Variants in ABI2 observed in about 807,000 individuals in gnomAD.
ABI2 encodes abl interactor 2, also known as abelson interactor 2.
In ABI2, 25 loss-of-function variants were observed where a neutral mutation model predicts 59.2. That is an observed-to-expected ratio of 0.42 (90% CI 0.31 to 0.59). ABI2 has a LOEUF of 0.59. Ranked by LOEUF, ABI2 falls within the 20% of genes least tolerant of loss-of-function variation. The pLI is 0.14. For missense variants in ABI2, 545 were observed against 681.8 expected (o/e 0.80, Z 2.23); for synonymous variants, 213 against 235.5 (o/e 0.90, Z 0.87).
chr2:203,416,172 A>G (rs1054071811), intron 10 of ABI2, among the ~76,000 whole-genome samples: 1 of 152,244 alleles, frequency 6.6e-6, no homozygotes, highest in African/African-American at 2.4e-5. Context: ...AAATATTTTA[A>G]GAATTTGTGA....
chr2:203,350,628 C>T (rs952747755), intron 1 of ABI2, among the ~76,000 whole-genome samples: 2 of 151,314 alleles, frequency 1.3e-5, no homozygotes, highest in Non-Finnish European at 2.9e-5. Context: ...CAATCTCTGC[C>T]TCCCGGGTTC....
At chr2:203,372,589 G>A (rs1268661637) in intron 2 of ABI2, among the ~76,000 whole-genome samples, 2 of 150,470 alleles carry the variant, frequency 1.3e-5, no homozygotes, top group Non-Finnish European at 3.0e-5. Flanking sequence ...CGGACGGGGC[G>A]GGTGGCTGGG....
In ABI2 at chr2:203,429,452, T is replaced by C. The variant is rs1431016118; in HGVS notation, c.*2100T>C. ...TGGATTAATGAGGCAGAGGGTGTTTTGAAATCCAATAAATAGTTCCCACAG... is the reference window on the plus strand; with the variant it reads ...TGGATTAATGAGGCAGAGGGTGTTTCGAAATCCAATAAATAGTTCCCACAG... On this transcript the variant is annotated 3_prime_UTR_variant, in exon 12 of 12. Coordinates refer to ENST00000261018, the MANE Select transcript of ABI2 (RefSeq NM_001375670.1). The C allele has an allele frequency of 6.6e-6, 1 of 152,214 alleles. No homozygotes were observed. Among genetic ancestry groups the C allele is most frequent in the Non-Finnish European group, 1.5e-5 (1 of 68,042 alleles). The allele number at this position is 152,214 out of a possible 1,614,324, so 9.4% of individuals were successfully genotyped here.
intron 1 of ABI2, among the ~76,000 whole-genome samples, chr2:203,364,333 A>G (rs1559225761): frequency 1.3e-5 from 2 of 148,394 alleles, no homozygotes. Flanking sequence ...ACCTCAAATG[A>G]TCTGCCCGCC....
At chr2:203,412,029 C>T (rs1037422660) in intron 10 of ABI2, among the ~76,000 whole-genome samples, 1 of 152,086 alleles carries the variant, frequency 6.6e-6, no homozygotes, top group Non-Finnish European at 1.5e-5. Flanking sequence ...GCAGTCTTTG[C>T]GAGGGCCACA....
At chr2:203,392,293 CCACCACCACCACCACCACCACCAA>C (rs1559312365) in intron 5 of ABI2, among the ~76,000 whole-genome samples, 1 of 92,160 alleles carries the variant, frequency 1.1e-5, no homozygotes, top group East Asian at 2.2e-4. Flanking sequence ...ACCACCACCA[CCACCACCACCACCACCACCACCAA>C]CAACAACAAC....
intron 4 of ABI2, 28 bp from the exon 5 acceptor site, chr2:203,391,018 A>G: frequency 6.3e-7 from 1 of 1,585,464 alleles, no homozygotes; most frequent in South Asian, 1.1e-5. Context: ...CACTGCATAC[A>G]AGTTGAGTTT....
intron 9 of ABI2, among the ~76,000 whole-genome samples, chr2:203,408,760 C>A (rs1393205486): frequency 6.6e-6 from 1 of 151,414 alleles, no homozygotes; most frequent in African/African-American, 2.4e-5. Context: ...CTTGTCTCTA[C>A]TCTTCTAGTG....
chr2:203,353,717 C>T (rs927842273), intron 1 of ABI2, among the ~76,000 whole-genome samples: 2 of 152,108 alleles, frequency 1.3e-5, no homozygotes, highest in Admixed American at 6.5e-5. Context: ...AGGCTGGTCT[C>T]GAACTTTTTA....
At chr2:203,408,020 G>T (rs1460831387) in intron 9 of ABI2, among the ~76,000 whole-genome samples, 1 of 152,222 alleles carries the variant, frequency 6.6e-6, no homozygotes, top group Non-Finnish European at 1.5e-5. Flanking sequence ...CTGGAGAAAA[G>T]TAGAATTTGG....
intron 1 of ABI2, among the ~76,000 whole-genome samples, chr2:203,341,217 A>T (rs1427652627): frequency 6.6e-6 from 1 of 152,002 alleles, no homozygotes; most frequent in Non-Finnish European, 1.5e-5. Context: ...TTACGCCTAC[A>T]TATTTTCTCT....
chr2:203,371,475 T>G (rs1455702064), intron 2 of ABI2, among the ~76,000 whole-genome samples: 1 of 152,216 alleles, frequency 6.6e-6, no homozygotes, highest in Non-Finnish European at 1.5e-5. Flanking sequence ...TATACTAATT[T>G]TTACTACATT....
In ABI2 at chr2:203,413,274, C is replaced by G. The variant is rs149421843; in HGVS notation, c.1279+1903C>G. On this transcript the variant is annotated intron_variant, in intron 10 of 11. Coordinates refer to ENST00000261018, the MANE Select transcript of ABI2 (RefSeq NM_001375670.1). ...GTTATTTTCTTAGCAAAAAATGAGACTTGAAAGTTGAATAGGATTTAAAGC... is the reference window on the plus strand; with the variant it reads ...GTTATTTTCTTAGCAAAAAATGAGAGTTGAAAGTTGAATAGGATTTAAAGC... Among the ~76,000 whole-genome samples, 19 of 152,252 alleles carry G rather than the reference C, an allele frequency of 1.2e-4. No homozygotes were observed. In the East Asian group the frequency reaches 3.7e-3, roughly 29 times the overall value.
intron 11 of ABI2, among the ~76,000 whole-genome samples, chr2:203,423,378 A>G (rs909395777): frequency 6.6e-6 from 1 of 152,118 alleles, no homozygotes; most frequent in Non-Finnish European, 1.5e-5. Flanking sequence ...TTATGTTTAG[A>G]TTGCTCCTCT....
chr2:203,385,277 G>A (rs1192945090), intron 4 of ABI2, among the ~76,000 whole-genome samples: 3 of 151,008 alleles, frequency 2.0e-5, no homozygotes, highest in Non-Finnish European at 2.9e-5. Flanking sequence ...GACTACAGGC[G>A]CCCGCCACCT....
chr2:203,362,689 G>C (rs2152928955), intron 1 of ABI2, among the ~76,000 whole-genome samples: 1 of 152,016 alleles, frequency 6.6e-6, no homozygotes, highest in East Asian at 1.9e-4. Context: ...ACCGTGCCTG[G>C]CTAATTTTTA....
intron 4 of ABI2, among the ~76,000 whole-genome samples, chr2:203,384,596 C>T (rs1359308668): frequency 1.3e-5 from 2 of 151,968 alleles, no homozygotes; most frequent in Non-Finnish European, 2.9e-5. Flanking sequence ...AGTTGTGAGC[C>T]ACCGTGCCTG....
At chr2:203,372,741 T>C (rs2095359849) in intron 2 of ABI2, among the ~76,000 whole-genome samples, 1 of 148,468 alleles carries the variant, frequency 6.7e-6, no homozygotes, top group Non-Finnish European at 1.5e-5. Context: ...GAGGGGCTCC[T>C]CACTTCTCAG....
At chr2:203,372,241 G>A (rs1206346951) in intron 2 of ABI2, among the ~76,000 whole-genome samples, 10 of 152,116 alleles carry the variant, frequency 6.6e-5, no homozygotes, top group Non-Finnish European at 1.0e-4. Flanking sequence ...GCACAGGGTT[G>A]GGGCTAAGGT....
Sources: allele counts gnomAD v4.1 joint callset (sites outside exome capture counted in the v4.1 genomes callset), GRCh38; gene constraint gnomAD v4.1.1; transcripts MANE v1.5; gene names NCBI Gene and HGNC (gene_info 2026-07-23, HGNC 2026-07-21).